Variants in EXOC4 observed in about 807,000 individuals in gnomAD.
The protein encoded by EXOC4 is exocyst complex component 4, also known as SEC8-like 1.
In EXOC4, 71 loss-of-function variants were observed where a neutral mutation model predicts 107.2. That is an observed-to-expected ratio of 0.66 (90% CI 0.55 to 0.81). The LOEUF (loss-of-function observed/expected upper bound fraction) is 0.81, where lower values mean the gene tolerates loss of function less well. EXOC4 is among the 30% of genes least tolerant of loss of function. The pLI, the probability that EXOC4 is intolerant of heterozygous loss-of-function variation, is 0.00. For missense variants in EXOC4, 1,108 were observed against 1,189.6 expected (o/e 0.93, Z 1.01); for synonymous variants, 456 against 441.2 (o/e 1.03, Z -0.42).
rs1338841816 is a variant in EXOC4, at chr7:133,630,113, A to G, written c.1486A>G (p.Ile496Val). Residue 496 changes from isoleucine (I) to valine (V), a missense_variant, in exon 10 of 18, where the codon ATT becomes GTT. Transcript: ENST00000253861. The stretch of plus-strand genomic sequence containing the variant: ...TGTCTGCAAACCTGGAGCCAGAAAC[A>G]TTACCGTCATATTCCACCCATTACT... The part of the protein sequence containing the change: ...KFVCKPGARN[I>V]TVIFHPLLRF... 3 of 1,613,854 alleles carry G rather than the reference A, an allele frequency of 1.9e-6. No homozygotes were observed. Among genetic ancestry groups the G allele is most frequent in the African/African-American group, 2.7e-5 (2 of 75,022 alleles).
intron 9 of EXOC4, among the ~76,000 whole-genome samples, chr7:133,530,306 C>T (rs1800157854): frequency 6.6e-6 from 1 of 152,162 alleles, no homozygotes; most frequent in African/African-American, 2.4e-5. Flanking sequence ...GATGGAGACA[C>T]ACTCCCAGAA....
intron 10 of EXOC4, among the ~76,000 whole-genome samples, chr7:133,751,649 T>C (rs1425129794): frequency 6.6e-6 from 1 of 152,170 alleles, no homozygotes; most frequent in Non-Finnish European, 1.5e-5. Context: ...GTTCTTTTAT[T>C]TCTGTCAAAA....
In EXOC4 at chr7:133,650,937, GTTTTTTTTTTT is replaced by G. The variant is rs200499348; in HGVS notation, c.1514+20811_1514+20821del. Among the ~76,000 whole-genome samples, 28 of 88,706 alleles carry G rather than the reference GTTTTTTTTTTT, an allele frequency of 3.2e-4. 1 individual carries two copies. The highest frequency in any genetic ancestry group is 1.9e-3 in the South Asian group (4 of 2,074). The allele number at this position is 88,706 out of a possible 152,430, so 58.2% of individuals were successfully genotyped here. ...TCTTAGTACATACTGAGATTGGTCA[GTTTTTTTTTTT>G]TTTTTTTTTTTTTTGGAATGGGCAT... On this transcript the variant is annotated intron_variant, in intron 10 of 17. Coordinates refer to ENST00000253861, the MANE Select transcript of EXOC4 (RefSeq NM_021807.4).
At chr7:133,443,650 A>G (rs1339361471) in intron 7 of EXOC4, among the ~76,000 whole-genome samples, 1 of 152,106 alleles carries the variant, frequency 6.6e-6, no homozygotes, top group Non-Finnish European at 1.5e-5. Flanking sequence ...TGGGGGCATC[A>G]GTGGGTGGTG....
chr7:133,565,492 C>G (rs1171876711), intron 9 of EXOC4, among the ~76,000 whole-genome samples: 1 of 152,074 alleles, frequency 6.6e-6, no homozygotes, highest in Admixed American at 6.6e-5. Context: ...CTTGAGGACT[C>G]GTTAAAACAC....
chr7:133,587,153 A>C (rs1487414130), intron 9 of EXOC4, among the ~76,000 whole-genome samples: 4 of 152,132 alleles, frequency 2.6e-5, no homozygotes, highest in African/African-American at 9.7e-5. Flanking sequence ...TTTTTATTGC[A>C]GTAGAAGTGT....
chr7:133,352,897 T>C (rs1332546688), intron 5 of EXOC4, among the ~76,000 whole-genome samples: 1 of 152,054 alleles, frequency 6.6e-6, no homozygotes, highest in African/African-American at 2.4e-5. Context: ...CCAGTTTAAC[T>C]TCAATAAAAT....
At chr7:133,445,413 A>G (rs985601479) in intron 7 of EXOC4, among the ~76,000 whole-genome samples, 9 of 152,090 alleles carry the variant, frequency 5.9e-5, no homozygotes, top group African/African-American at 2.2e-4. Context: ...TGGAATATAA[A>G]ATGACTCTGA....
intron 9 of EXOC4, among the ~76,000 whole-genome samples, chr7:133,626,409 G>A (rs1802456773): frequency 6.6e-6 from 1 of 152,068 alleles, no homozygotes; most frequent in Non-Finnish European, 1.5e-5. Context: ...TTTTCATTGG[G>A]TTGGCTCTAT....
At chr7:133,923,074 G>A (rs1726099661) in intron 13 of EXOC4, among the ~76,000 whole-genome samples, 1 of 150,888 alleles carries the variant, frequency 6.6e-6, no homozygotes, top group African/African-American at 2.4e-5. Context: ...TGCATATGTT[G>A]AGTGTTAGTA....
chr7:133,834,396 C>A (rs1412927103), intron 11 of EXOC4, among the ~76,000 whole-genome samples: 1 of 152,120 alleles, frequency 6.6e-6, no homozygotes, highest in African/African-American at 2.4e-5. Flanking sequence ...AAATGTTTAG[C>A]CAACCGGGAT....
At chr7:133,318,674 T>C (rs1368383689) in intron 5 of EXOC4, among the ~76,000 whole-genome samples, 1 of 152,210 alleles carries the variant, frequency 6.6e-6, no homozygotes, top group African/African-American at 2.4e-5. Flanking sequence ...AATGTTTCTG[T>C]TGAGAGCTTA....
intron 10 of EXOC4, among the ~76,000 whole-genome samples, chr7:133,690,681 A>C (rs1794399458): frequency 6.6e-6 from 1 of 152,204 alleles, no homozygotes; most frequent in African/African-American, 2.4e-5. Flanking sequence ...AACAGAAGAC[A>C]GATTAACAGG....
chr7:133,283,344 G>T (rs974158595), intron 2 of EXOC4, among the ~76,000 whole-genome samples: 1 of 152,122 alleles, frequency 6.6e-6, no homozygotes, highest in African/African-American at 2.4e-5. Context: ...CAAAGTGGTG[G>T]GATTACAGGT....
intron 10 of EXOC4, among the ~76,000 whole-genome samples, chr7:133,739,367 A>G (rs75601078): frequency 0.019 from 2,957 of 152,122 alleles, 52 homozygotes; most frequent in Non-Finnish European, 0.029. Context: ...TGGAGCTTGA[A>G]GTTCACAAGG....
the EXOC4 span, among the ~76,000 whole-genome samples, chr7:134,096,256 A>T: frequency 6.6e-6 from 1 of 152,198 alleles, no homozygotes; most frequent in African/African-American, 2.4e-5. Context: ...AGAACTTTAC[A>T]TAGGAAGAGT....
intron 14 of EXOC4, among the ~76,000 whole-genome samples, chr7:133,992,931 C>T (rs1794296886): frequency 6.6e-6 from 1 of 151,322 alleles, no homozygotes; most frequent in South Asian, 2.1e-4. Context: ...CCTTCTATAC[C>T]CAGTTTCTTG....
intron 10 of EXOC4, among the ~76,000 whole-genome samples, chr7:133,746,279 C>T (rs2151133520): frequency 6.6e-6 from 1 of 152,202 alleles, no homozygotes; most frequent in South Asian, 2.1e-4. Context: ...AAAGCTCTTC[C>T]TTTTTGATTA....
At chr7:133,788,110 G>T (rs1000009764) in intron 10 of EXOC4, among the ~76,000 whole-genome samples, 6 of 148,072 alleles carry the variant, frequency 4.1e-5, no homozygotes, top group Non-Finnish European at 9.0e-5. Context: ...TTTACATGCT[G>T]TTGCTTTTCC....
Sources: gnomAD v4.1 joint callset for allele counts (sites outside exome capture counted in the v4.1 genomes callset) on GRCh38, gnomAD v4.1.1 for gene constraint, MANE v1.5 for transcripts, NCBI Gene and HGNC (gene_info 2026-07-23, HGNC 2026-07-21) for gene names.